The following MYH11 variants were observed in gnomAD, a reference collection of about 807,000 sequenced individuals.
The protein encoded by MYH11 is myosin-11.
A neutral mutation model predicts 246.6 loss-of-function variants in MYH11; 80 were observed. The ratio of observed to expected loss-of-function variants is 0.32; its 90% confidence interval spans 0.27 to 0.39. The LOEUF is 0.39. Among genes scored for constraint, MYH11 ranks in the 10% least tolerant of loss-of-function variants. The probability of loss-of-function intolerance (pLI) is 1.00; values close to 1 mark genes in which losing one functional copy is unlikely to be tolerated. For missense variants in MYH11, 2,158 were observed against 2,546.8 expected (o/e 0.85, Z 3.29); for synonymous variants, 1,071 against 1,015.5 (o/e 1.05, Z -1.04).
chr16:15,834,292 C>T (rs1429137226), intron 2 of MYH11, among the ~76,000 whole-genome samples: 4 of 151,920 alleles, frequency 2.6e-5, no homozygotes, highest in South Asian at 2.1e-4. Context: ...TTTGGGAGGC[C>T]GAGGCAAGTG....
At chr16:15,829,763 G>A (rs2043678622) in intron 2 of MYH11, among the ~76,000 whole-genome samples, 1 of 152,180 alleles carries the variant, frequency 6.6e-6, no homozygotes, top group Non-Finnish European at 1.5e-5. Flanking sequence ...CCCTGAGCAG[G>A]GGGTGCTCCC....
chr16:15,725,135 A>T (rs2040687874), intron 28 of MYH11, 143 bp from the exon 29 acceptor site: 11 of 222,330 alleles, frequency 4.9e-5, no homozygotes, highest in Admixed American at 3.6e-4. Context: ...GGACTCTGAT[A>T]AAAAAAAAAA....
intron 3 of MYH11, among the ~76,000 whole-genome samples, chr16:15,812,985 G>T (rs1424542155): frequency 1.3e-5 from 2 of 152,228 alleles, no homozygotes; most frequent in African/African-American, 4.8e-5. Context: ...TGGTCAACAC[G>T]GTGAAACACC....
chr16:15,778,659 T>C, intron 7 of MYH11, 121 bp downstream of exon 7: 1 of 1,011,182 alleles, frequency 9.9e-7, no homozygotes, highest in Non-Finnish European at 1.6e-6. Flanking sequence ...GGGAGATTTG[T>C]TCTGGAAGAA....
In MYH11 at chr16:15,747,644, C is replaced by T. The variant is rs2041454667; in HGVS notation, c.2337G>A (p.Glu779=). The T allele has an allele frequency of 3.1e-6, 5 of 1,614,008 alleles. No homozygotes were observed. The highest frequency in any genetic ancestry group is 4.2e-6 in the Non-Finnish European group (5 of 1,180,032). The part of the protein sequence containing the change: ...FFRTGVLAHL[E]EERDLKITDV... ...CGGTGATCTTCAAATCTCGCTCCTC[C>T]TCTAGGTGGGCCAGGACGCCAGTTC... Residue 779 remains glutamate, a synonymous_variant, in exon 19 of 41, where the codon GAG becomes GAA. Transcript: ENST00000300036.
Position 15,721,633 on chromosome 16 carries a change from A to G in MYH11, c.4367T>C (p.Leu1456Ser). The change falls in exon 32 of 41, where the codon TTG becomes TCG. Residue 1456 changes from leucine to serine, a missense_variant and splice_region_variant. This residue lies in a region of MYH11 where 1,013 missense variants were observed against 993.5 expected (regional missense o/e 1.02). Transcript: ENST00000300036. ...AGAGATGTTTTTCTCCTCGGCTAAC[A>G]ACTACAACACAAGACCCAGAGGTGA... ...LEKKQRKFDQ[L>S]LAEEKNISSK... The G allele has an allele frequency of 6.2e-7, 1 of 1,614,132 alleles. No homozygotes were observed. Among genetic ancestry groups the G allele is most frequent in the African/African-American group, 1.3e-5 (1 of 75,032 alleles).
chr16:15,722,656 T>C (rs1409687022), intron 31 of MYH11, among the ~76,000 whole-genome samples: 1 of 152,168 alleles, frequency 6.6e-6, no homozygotes, highest in African/African-American at 2.4e-5. Flanking sequence ...ACTGGGATGT[T>C]ATCTAGAATC....
intron 4 of MYH11, among the ~76,000 whole-genome samples, chr16:15,793,610 C>CTTTGCTT (rs2042667013): frequency 7.3e-6 from 1 of 136,072 alleles, no homozygotes. Flanking sequence ...AGTTTCTTTT[C>CTTTGCTT]TTTTCTTTTT....
chr16:15,711,219 C>G (rs572336269), intron 40 of MYH11: 2 of 152,316 alleles, frequency 1.3e-5, no homozygotes, highest in East Asian at 3.9e-4. Flanking sequence ...GCAGTGGTCC[C>G]CAAACTCTAG....
At chr16:15,713,924 G>T (rs2039967950) in intron 40 of MYH11, 1 of 152,464 alleles carries the variant, frequency 6.6e-6, no homozygotes, top group Non-Finnish European at 1.5e-5. Context: ...CATTAATGGA[G>T]TGAAGACCCC....
rs759614069 is a variant in MYH11, at chr16:15,763,866, G to A, written c.1059C>T (p.Val353=). 3 of 1,613,236 alleles carry A rather than the reference G, an allele frequency of 1.9e-6. No individual in the cohort carries two copies. Among genetic ancestry groups the A allele is most frequent in the Non-Finnish European group, 2.5e-6 (3 of 1,179,634 alleles). Reference sequence around the variant, plus strand: ...TGAAGACGATATTTCCAAGCTGCAGGACCGATGATACCACCTTCAATATGG... The same window carrying A: ...TGAAGACGATATTTCCAAGCTGCAGAACCGATGATACCACCTTCAATATGG... ...QLSILKVVSS[V]LQLGNIVFKK... is the part of the protein sequence containing the mutation. The change falls in exon 10 of 41, where the codon GTC becomes GTT. Residue 353 remains valine, a synonymous_variant. Transcript: ENST00000300036.
At chr16:15,720,624 C>T (rs1419108027) in intron 33 of MYH11, among the ~76,000 whole-genome samples, 3 of 151,450 alleles carry the variant, frequency 2.0e-5, no homozygotes, top group Non-Finnish European at 2.9e-5. Flanking sequence ...TGGTGGCATG[C>T]GCCTGTAATC....
chr16:15,735,352 G>C lies in MYH11; in HGVS notation c.3506+14C>G. On this transcript the variant is annotated intron_variant, in intron 26 of 40. Coordinates refer to ENST00000300036, the MANE Select transcript of MYH11 (RefSeq NM_002474.3). ...AGTGGGATAGCAGGATGGTGGGATTGATGGGCCCCTCACCTGAGCTCCTGC... is the reference window on the plus strand; with the variant it reads ...AGTGGGATAGCAGGATGGTGGGATTCATGGGCCCCTCACCTGAGCTCCTGC... 6.2e-7 allele frequency: 1 copy of C among 1,613,134 alleles called. No individual in the cohort carries two copies. The highest frequency in any genetic ancestry group is 1.1e-5 in the South Asian group (1 of 91,028).
intron 40 of MYH11, chr16:15,708,789 T>C: frequency 6.2e-7 from 1 of 1,605,190 alleles, no homozygotes; most frequent in Non-Finnish European, 8.5e-7. Context: ...GCTGCGAAGC[T>C]GAAGGCATGA....
intron 4 of MYH11, 147 bp downstream of exon 4, chr16:15,798,513 C>T (rs936883533): frequency 4.9e-6 from 4 of 813,862 alleles, no homozygotes; most frequent in Non-Finnish European, 7.6e-6. Flanking sequence ...CTACATGGTG[C>T]CAGGTATAAA....
rs184847335 is a variant in MYH11, at chr16:15,763,903, A to C, written c.1034-12T>G. On this transcript the variant is annotated splice_polypyrimidine_tract_variant and intron_variant, in intron 9 of 40. Transcript: ENST00000300036. ...CACCTTCAATATGGCTGAGGTGGGG[A>C]GAGAAGGGCAGAGCAGACACAAAGG... 2.2e-4 allele frequency: 360 copies of C among 1,601,648 alleles called. 1 individual carries two copies. The Middle Eastern group carries it at 3.2e-3, about 14-fold the overall frequency.
At chr16:15,736,763 CT>C (rs2041130132) in intron 25 of MYH11, among the ~76,000 whole-genome samples, 1 of 152,154 alleles carries the variant, frequency 6.6e-6, no homozygotes, top group Non-Finnish European at 1.5e-5. Flanking sequence ...TGCGTTACCC[CT>C]AGGAGGCTCA....
intron 9 of MYH11, among the ~76,000 whole-genome samples, chr16:15,769,390 C>T (rs571320454): frequency 3.9e-5 from 6 of 152,380 alleles, no homozygotes; most frequent in Admixed American, 3.3e-4. Flanking sequence ...GTCTCAACGA[C>T]TTGAGAGGCT....
In MYH11 at chr16:15,793,142, C is replaced by T. The variant is rs142005889; in HGVS notation, c.530+5518G>A. ...CCACCCTCCTCCTCTTACTTTAGCC[C>T]CCTGATCACACAGCTCTATCTCCAG... is the stretch of plus-strand genomic sequence containing the variant. On this transcript the variant is annotated intron_variant, in intron 4 of 40. Coordinates refer to ENST00000300036, the MANE Select transcript of MYH11 (RefSeq NM_002474.3). Among the ~76,000 whole-genome samples the T allele has an allele frequency of 2.2e-3, 333 of 152,288 alleles. 2 individuals carry two copies. The highest frequency in any genetic ancestry group is 7.7e-3 in the African/African-American group (322 of 41,560).
Sources: allele counts gnomAD v4.1 joint callset (sites outside exome capture counted in the v4.1 genomes callset), GRCh38; gene constraint gnomAD v4.1.1; regional missense constraint gnomAD v4.1.1; transcripts MANE v1.5; gene names NCBI Gene and HGNC (gene_info 2026-07-23, HGNC 2026-07-21).